PRELID2: variants seen among roughly 807,000 people sequenced by gnomAD.
PRELID2 encodes PRELI domain containing 2, also known as PRELI domain-containing protein 2.
A neutral mutation model predicts 28.4 loss-of-function variants in PRELID2; 25 were observed. The observed-to-expected ratio is 0.88, with a 90% CI of 0.64 to 1.23. PRELID2 has a LOEUF of 1.23. Among genes scored for constraint, PRELID2 ranks in the 50% most tolerant of loss-of-function variants. The pLI is 0.00. For missense variants in PRELID2, 201 were observed against 214.4 expected, an observed-to-expected ratio of 0.94 and a Z score of 0.39; for synonymous variants, 76 against 71.6, an observed-to-expected ratio of 1.06 and a Z score of -0.31.
At chr5:145,670,032 C>T (rs9324986) in intron 1 of PRELID2, among the ~76,000 whole-genome samples, 30,957 of 152,052 alleles carry the variant, frequency 0.2, 5,735 homozygotes, top group African/African-American at 0.49. Context: ...ATCATATGTG[C>T]TCATTAGTCT....
At chr5:145,354,477 A>G in the PRELID2 span, among the ~76,000 whole-genome samples, 2 of 152,092 alleles carry the variant, frequency 1.3e-5, no homozygotes, top group Non-Finnish European at 1.5e-5. Flanking sequence ...ACTTTCATAT[A>G]TTTGTTTTTG....
At chr5:145,475,145 G>A (rs1752088826) in intron 1 of PRELID2, among the ~76,000 whole-genome samples, 1 of 152,114 alleles carries the variant, frequency 6.6e-6, no homozygotes, top group Admixed American at 6.6e-5. Context: ...TAGAGTGGCT[G>A]GCATATTGCA....
chr5:145,535,137 T>C (rs1483156924), intron 1 of PRELID2, among the ~76,000 whole-genome samples: 1 of 151,958 alleles, frequency 6.6e-6, no homozygotes, highest in Admixed American at 6.6e-5. Flanking sequence ...ATGTATCTCC[T>C]TTAGATGCAA....
chr5:145,392,640 A>G, the PRELID2 span, among the ~76,000 whole-genome samples: 3 of 152,056 alleles, frequency 2.0e-5, no homozygotes, highest in African/African-American at 7.2e-5. Flanking sequence ...CTTTAATAGG[A>G]CATACCAAAA....
chr5:145,240,431 C>T, the PRELID2 span, among the ~76,000 whole-genome samples: 6 of 151,750 alleles, frequency 4.0e-5, no homozygotes, highest in East Asian at 1.2e-3. Context: ...CTGATATATA[C>T]AATATTTTGT....
At chr5:145,356,859 T>C in the PRELID2 span, among the ~76,000 whole-genome samples, 1 of 152,224 alleles carries the variant, frequency 6.6e-6, no homozygotes, top group Non-Finnish European at 1.5e-5. Flanking sequence ...AATGTATGTT[T>C]TTGTGGTGGC....
At chr5:145,709,643 T>G (rs1755637912) in intron 1 of PRELID2, among the ~76,000 whole-genome samples, 1 of 152,068 alleles carries the variant, frequency 6.6e-6, no homozygotes, top group South Asian at 2.1e-4. Flanking sequence ...ATTTTTCAAT[T>G]TTTTAATAAT....
the PRELID2 span, among the ~76,000 whole-genome samples, chr5:145,301,261 G>T: frequency 6.6e-6 from 1 of 152,066 alleles, no homozygotes; most frequent in Non-Finnish European, 1.5e-5. Flanking sequence ...AGCACATTTT[G>T]ATGTACTTTT....
At position 145,817,198 on chromosome 5, in the gene PRELID2, A is replaced by ATATATAT. The variant is rs1754372530; in HGVS notation, c.368+695_368+696insATATATA. 5.7e-5 allele frequency among the ~76,000 whole-genome samples: 4 copies of ATATATAT among 70,082 alleles called. 1 individual carries two copies. Among genetic ancestry groups the ATATATAT allele is most frequent in the South Asian group, 5.4e-4 (1 of 1,860 alleles). 46.0% of individuals were successfully genotyped at this position (70,082 alleles called of 152,430 possible). A position where few individuals can be genotyped will look rare whatever the true frequency, so the allele number is the denominator to read the frequency against. ...AGAGCAAGACTGCATTTCAAAAAAA[A>ATATATAT]ATAAATAAATAAATAAAAAAAAATA... On this transcript the variant is annotated intron_variant, in intron 4 of 6. Transcript: ENST00000683046.
At chr5:145,640,346 G>A (rs940106526) in intron 1 of PRELID2, among the ~76,000 whole-genome samples, 6 of 151,952 alleles carry the variant, frequency 3.9e-5, no homozygotes, top group Non-Finnish European at 7.4e-5. Context: ...CGTGGTGGCG[G>A]GCGCCTGTAG....
At chr5:145,505,789 G>A (rs1275530194) in intron 1 of PRELID2, among the ~76,000 whole-genome samples, 4 of 152,266 alleles carry the variant, frequency 2.6e-5, no homozygotes, top group East Asian at 3.9e-4. Context: ...AAAATGTGGT[G>A]TATACATCCA....
intron 5 of PRELID2, among the ~76,000 whole-genome samples, chr5:145,794,014 T>C (rs144040031): frequency 2.6e-5 from 4 of 152,212 alleles, no homozygotes; most frequent in East Asian, 3.9e-4. Flanking sequence ...GCCTGACCTA[T>C]AGGAGGCCAA....
chr5:145,436,602 T>C, the PRELID2 span, among the ~76,000 whole-genome samples: 9 of 152,190 alleles, frequency 5.9e-5, no homozygotes, highest in Non-Finnish European at 8.8e-5. Context: ...TTTTTTGTTT[T>C]TGTTTTTGTT....
chr5:145,820,654 C>G (rs1445167601), intron 2 of PRELID2, among the ~76,000 whole-genome samples: 2 of 152,116 alleles, frequency 1.3e-5, no homozygotes, highest in South Asian at 2.1e-4. Context: ...GGCAGCAAAC[C>G]TGTACGGTTC....
the PRELID2 span, among the ~76,000 whole-genome samples, chr5:145,242,911 C>T: frequency 6.6e-6 from 1 of 152,122 alleles, no homozygotes; most frequent in African/African-American, 2.4e-5. Context: ...TCTTGAGAGA[C>T]AGCTATATAA....
intron 1 of PRELID2, among the ~76,000 whole-genome samples, chr5:145,648,971 T>C (rs889912550): frequency 6.6e-6 from 1 of 152,064 alleles, no homozygotes; most frequent in South Asian, 2.1e-4. Context: ...AAACCATACT[T>C]TGAGTACCTA....
At chr5:145,381,122 C>T in the PRELID2 span, among the ~76,000 whole-genome samples, 4 of 152,106 alleles carry the variant, frequency 2.6e-5, no homozygotes, top group East Asian at 5.8e-4. Context: ...ATTTAAAGGC[C>T]CTAAGAGTGA....
chr5:145,507,049 G>A (rs978079911), intron 1 of PRELID2, among the ~76,000 whole-genome samples: 2 of 152,074 alleles, frequency 1.3e-5, no homozygotes, highest in African/African-American at 4.8e-5. Flanking sequence ...TATTTAAACT[G>A]CAACTAGAGC....
chr5:145,278,881 A>T, the PRELID2 span, among the ~76,000 whole-genome samples: 1 of 152,166 alleles, frequency 6.6e-6, no homozygotes, highest in East Asian at 1.9e-4. Flanking sequence ...AAGATCTTCT[A>T]GAGTTGAGGA....
Sources: gnomAD v4.1 joint callset for allele counts (sites outside exome capture counted in the v4.1 genomes callset) on GRCh38, gnomAD v4.1.1 for gene constraint, MANE v1.5 for transcripts, NCBI Gene and HGNC (gene_info 2026-07-23, HGNC 2026-07-21) for gene names.